ERC1: variants seen among roughly 807,000 people sequenced by gnomAD.
The protein encoded by ERC1 is RAB6 interacting protein 2.
Under a neutral mutation model 132.0 loss-of-function variants are expected in ERC1, and 56 were observed. That is an observed-to-expected ratio of 0.42 (90% CI 0.34 to 0.53). The LOEUF is 0.53. Ranked by LOEUF, ERC1 falls within the 20% of genes least tolerant of loss-of-function variation. ERC1 has a pLI of 0.03. For synonymous variants in ERC1, 478 were observed against 476.1 expected (o/e 1.00, Z -0.05); for missense variants, 1,202 against 1,349.9 (o/e 0.89, Z 1.72).
intron 2 of ERC1, among the ~76,000 whole-genome samples, chr12:1,046,911 C>T (rs976169573): frequency 6.6e-6 from 1 of 152,156 alleles, no homozygotes; most frequent in African/African-American, 2.4e-5. Flanking sequence ...CAGGATGTGA[C>T]GCACCCTTCA....
At chr12:1,262,746 C>T (rs888349070) in intron 13 of ERC1, among the ~76,000 whole-genome samples, 1 of 152,178 alleles carries the variant, frequency 6.6e-6, no homozygotes, top group African/African-American at 2.4e-5. Context: ...AAGCCCTTGC[C>T]ACCTCTGCTG....
intron 14 of ERC1, among the ~76,000 whole-genome samples, chr12:1,274,474 AT>A (rs2078106049): frequency 1.4e-5 from 2 of 145,306 alleles, no homozygotes; most frequent in African/African-American, 5.5e-5. Context: ...ATTTTATTTT[AT>A]TTTATTTTAT....
intron 12 of ERC1, among the ~76,000 whole-genome samples, chr12:1,230,524 T>C (rs1303436973): frequency 6.6e-6 from 1 of 152,220 alleles, no homozygotes. Flanking sequence ...GAATGCTCTA[T>C]GTGTACTTGA....
intron 12 of ERC1, among the ~76,000 whole-genome samples, chr12:1,203,212 C>T (rs1019821013): frequency 4.5e-4 from 69 of 152,262 alleles, no homozygotes; most frequent in African/African-American, 1.5e-3. Context: ...CGTGTGCCAC[C>T]ACGCCTGGCT....
chr12:1,363,334 C>T (rs1288728881), intron 15 of ERC1, among the ~76,000 whole-genome samples: 1 of 152,120 alleles, frequency 6.6e-6, no homozygotes, highest in East Asian at 1.9e-4. Context: ...TGAACATGCT[C>T]ATTTTTCAGA....
intron 1 of ERC1, chr12:998,361 A>C (rs73606369): frequency 1.1e-4 from 17 of 152,154 alleles, no homozygotes; most frequent in African/African-American, 4.1e-4. Context: ...GTTGGCACCT[A>C]TGATTCAGGG....
chr12:1,187,973 T>A (rs1955295344), intron 11 of ERC1, among the ~76,000 whole-genome samples: 1 of 152,196 alleles, frequency 6.6e-6, no homozygotes, highest in Non-Finnish European at 1.5e-5. Flanking sequence ...CTTTCTAAGC[T>A]GAGACCTCAA....
chr12:995,303 C>T (rs922473762), intron 1 of ERC1, among the ~76,000 whole-genome samples: 1 of 151,956 alleles, frequency 6.6e-6, no homozygotes, highest in Non-Finnish European at 1.5e-5. Context: ...TAGTCAGGAG[C>T]TTATGCTGTA....
chr12:1,106,500 T>A (rs558470296), intron 4 of ERC1, among the ~76,000 whole-genome samples: 2 of 152,304 alleles, frequency 1.3e-5, no homozygotes, highest in East Asian at 3.9e-4. Flanking sequence ...GGAACTGTTG[T>A]CTTAATTTGG....
intron 2 of ERC1, among the ~76,000 whole-genome samples, chr12:1,039,337 C>CAAAAAA (rs573363202): frequency 8.8e-6 from 1 of 113,112 alleles, no homozygotes; most frequent in African/African-American, 3.1e-5. Context: ...GACGTTGTCT[C>CAAAAAA]AAAAAAAAAA....
At chr12:1,074,341 T>C (rs1432056248) in intron 2 of ERC1, among the ~76,000 whole-genome samples, 1 of 151,768 alleles carries the variant, frequency 6.6e-6, no homozygotes, top group African/African-American at 2.4e-5. Context: ...AGAGCTTTGC[T>C]CTGTCACCCA....
At chr12:1,427,947 G>A (rs967132620) in intron 17 of ERC1, among the ~76,000 whole-genome samples, 12 of 152,180 alleles carry the variant, frequency 7.9e-5, no homozygotes, top group African/African-American at 2.7e-4. Flanking sequence ...CATTTATAGT[G>A]TTTCACAGGT....
At chr12:1,058,257 T>C (rs538597708) in intron 2 of ERC1, among the ~76,000 whole-genome samples, 84 of 152,300 alleles carry the variant, frequency 5.5e-4, no homozygotes, top group African/African-American at 1.7e-3. Flanking sequence ...GAAAGTCTTT[T>C]CCTAGACCAG....
intron 12 of ERC1, among the ~76,000 whole-genome samples, chr12:1,222,875 T>C (rs1443287798): frequency 6.6e-6 from 1 of 152,200 alleles, no homozygotes; most frequent in African/African-American, 2.4e-5. Flanking sequence ...AGACAGATAA[T>C]AAAAATTCCT....
At chr12:1,106,117 T>C (rs1049127200) in intron 4 of ERC1, among the ~76,000 whole-genome samples, 1 of 152,224 alleles carries the variant, frequency 6.6e-6, no homozygotes, top group African/African-American at 2.4e-5. Flanking sequence ...CTGTAAGATA[T>C]GGAGCAAATT....
At chr12:1,240,375 C>T (rs1471081082) in intron 13 of ERC1, among the ~76,000 whole-genome samples, 1 of 152,084 alleles carries the variant, frequency 6.6e-6, no homozygotes, top group Non-Finnish European at 1.5e-5. Context: ...GAAATTGTCC[C>T]TAATAAAATG....
chr12:1,395,522 G>A (rs2090457152), intron 16 of ERC1, among the ~76,000 whole-genome samples: 1 of 151,686 alleles, frequency 6.6e-6, no homozygotes, highest in Non-Finnish European at 1.5e-5. Context: ...GTTAAAGTCT[G>A]CACAGCATAT....
At chr12:1,485,277 C>T (rs10848489) in intron 18 of ERC1, among the ~76,000 whole-genome samples, 50,498 of 146,612 alleles carry the variant, frequency 0.34, 9,389 homozygotes, top group Middle Eastern at 0.44. Flanking sequence ...TGATCTTAGC[C>T]CACTGCAACC....
intron 18 of ERC1, among the ~76,000 whole-genome samples, chr12:1,471,179 G>T (rs2093852847): frequency 6.6e-6 from 1 of 152,176 alleles, no homozygotes; most frequent in Non-Finnish European, 1.5e-5. Context: ...AGTCCCAGCT[G>T]CTCAGGAGGC....
Sources: allele counts gnomAD v4.1 joint callset (sites outside exome capture counted in the v4.1 genomes callset), GRCh38; gene constraint gnomAD v4.1.1; transcripts MANE v1.5; gene names NCBI Gene and HGNC (gene_info 2026-07-23, HGNC 2026-07-21).